GPC6: variants seen among roughly 807,000 people sequenced by gnomAD.
GPC6 encodes the protein glypican 6.
A neutral mutation model predicts 55.2 loss-of-function variants in GPC6; 14 were observed. The ratio of observed to expected loss-of-function variants is 0.25; its 90% CI spans 0.17 to 0.40. The LOEUF is 0.40. Among genes scored for constraint, GPC6 ranks in the 10% least tolerant of loss-of-function variants. GPC6 has a pLI of 1.00. For synonymous variants in GPC6, 278 were observed against 259.6 expected, an observed-to-expected ratio of 1.07 and a Z score of -0.68; for missense variants, 641 against 708.5, an observed-to-expected ratio of 0.90 and a Z score of 1.08.
intron 3 of GPC6, among the ~76,000 whole-genome samples, chr13:93,941,389 A>G (rs575341108): frequency 6.6e-6 from 1 of 152,320 alleles, no homozygotes; most frequent in African/African-American, 2.4e-5. Flanking sequence ...TTATAACTCA[A>G]AAATTCACTG....
intron 2 of GPC6, among the ~76,000 whole-genome samples, chr13:93,565,014 A>G (rs958523697): frequency 2.6e-5 from 4 of 152,234 alleles, no homozygotes; most frequent in African/African-American, 9.6e-5. Context: ...CTCAGAATGT[A>G]GCATTTTTGT....
chr13:93,227,563 C>A lies in GPC6; in HGVS notation c.107C>A (p.Ala36Glu). 3 of 1,612,820 alleles carry A rather than the reference C, an allele frequency of 1.9e-6. No individual in the cohort carries two copies. Among genetic ancestry groups the A allele is most frequent in the Non-Finnish European group, 2.5e-6 (3 of 1,179,576 alleles). Residue 36 changes from alanine to glutamate, a missense_variant, in exon 1 of 9, where the codon GCG becomes GAG. Physicochemically the swap from Ala to Glu is moderately radical, Grantham distance 107. Transcript: ENST00000377047. The surrounding 1 kb of genome is among the most constrained non-coding windows in gnomAD (Gnocchi z 4.3). ...CGGAGCTGCGGAGAGGTCCGCCAGG[C>A]GTACGGTGCCAAGGGATTCAGCCTG... ...KARSCGEVRQAYGAKGFSLAD... is the reference protein window; with the variant it reads ...KARSCGEVRQEYGAKGFSLAD...
In GPC6 at chr13:94,255,981, G is replaced by A. The variant is rs1053033730; in HGVS notation, c.878-30368G>A. Among the ~76,000 whole-genome samples, 52 of 152,070 alleles carry A rather than the reference G, an allele frequency of 3.4e-4. 1 individual carries two copies. Among genetic ancestry groups the A allele is most frequent in the Admixed American group, 2.5e-3 (38 of 15,260 alleles). ...GAAATGCAGAATCACAGGTCCCATC[G>A]CAGATCACCTGAATCAAAACTTGCA... On this transcript the variant is annotated intron_variant, in intron 4 of 8. Transcript: ENST00000377047.
intron 4 of GPC6, among the ~76,000 whole-genome samples, chr13:94,069,311 G>C (rs1055499545): frequency 6.6e-6 from 1 of 152,062 alleles, no homozygotes; most frequent in Non-Finnish European, 1.5e-5. Flanking sequence ...CAAGTCCCTA[G>C]GCTTCACACA....
intron 4 of GPC6, among the ~76,000 whole-genome samples, chr13:94,086,249 T>A (rs1363089411): frequency 6.6e-6 from 1 of 152,154 alleles, no homozygotes; most frequent in African/African-American, 2.4e-5. Context: ...GTGAAGCACT[T>A]TTTTTCAGAG....
At chr13:93,235,160 C>T (rs185225313) in intron 1 of GPC6, among the ~76,000 whole-genome samples, 163 of 152,180 alleles carry the variant, frequency 1.1e-3, no homozygotes, top group African/African-American at 3.7e-3. Flanking sequence ...ATTATAATAA[C>T]AACGAGAGGT....
At chr13:93,510,987 G>GTA (rs146967404) in intron 1 of GPC6, among the ~76,000 whole-genome samples, 9,878 of 20,070 alleles carry the variant, frequency 0.49, 3,264 homozygotes, top group East Asian at 0.87. Context: ...ATATATATGT[G>GTA]TATATATATA....
In GPC6 at chr13:93,952,826, T is replaced by TATACGTATATATCACAC. The variant is rs1879314464; in HGVS notation, c.712-74899_712-74883dup. Among the ~76,000 whole-genome samples, 4 of 148,682 alleles carry TATACGTATATATCACAC rather than the reference T, an allele frequency of 2.7e-5. No individual in the cohort carries two copies. The Admixed American group carries it at 2.7e-4, about 10-fold the overall frequency. On this transcript the variant is annotated intron_variant, in intron 3 of 8. Coordinates refer to ENST00000377047, the MANE Select transcript of GPC6 (RefSeq NM_005708.5). ...ATAGGTATACACACACACACATATA[T>TATACGTATATATCACAC]ATACGTATATATCACACATATATAT...
chr13:93,808,533 G>T (rs75715923), intron 2 of GPC6, among the ~76,000 whole-genome samples: 1,899 of 152,232 alleles, frequency 0.012, 39 homozygotes, highest in African/African-American at 0.043. Flanking sequence ...TTCCTTTAAT[G>T]TGAGCTGAAA....
chr13:94,241,096 C>T (rs1035251996), intron 4 of GPC6, among the ~76,000 whole-genome samples: 1 of 152,096 alleles, frequency 6.6e-6, no homozygotes, highest in African/African-American at 2.4e-5. Flanking sequence ...ATGGAGCCCC[C>T]AGGATGGCAC....
At chr13:93,719,488 G>A (rs1199882121) in intron 2 of GPC6, among the ~76,000 whole-genome samples, 2 of 152,006 alleles carry the variant, frequency 1.3e-5, no homozygotes, top group Non-Finnish European at 2.9e-5. Flanking sequence ...TTGGGGCTGA[G>A]ACAATGAGGT....
chr13:93,725,167 C>A (rs900065147), intron 2 of GPC6, among the ~76,000 whole-genome samples: 3 of 151,934 alleles, frequency 2.0e-5, no homozygotes, highest in Non-Finnish European at 4.4e-5. Flanking sequence ...TTCAAATATC[C>A]TTAAAACTTG....
intron 3 of GPC6, among the ~76,000 whole-genome samples, chr13:93,976,795 A>T (rs1339998536): frequency 1.3e-5 from 2 of 151,832 alleles, no homozygotes; most frequent in Non-Finnish European, 2.9e-5. Flanking sequence ...AGCCACCTGC[A>T]GGCTTTTGCT....
At chr13:94,142,552 C>T (rs1243535566) in intron 4 of GPC6, among the ~76,000 whole-genome samples, 1 of 152,090 alleles carries the variant, frequency 6.6e-6, no homozygotes, top group African/African-American at 2.4e-5. Context: ...AAACAGCTAA[C>T]CCAACTTATA....
intron 4 of GPC6, among the ~76,000 whole-genome samples, chr13:94,157,994 A>C (rs1011389426): frequency 4.6e-5 from 7 of 152,160 alleles, no homozygotes; most frequent in Non-Finnish European, 1.0e-4. Flanking sequence ...AACACAGAGT[A>C]CCCATAATAT....
chr13:93,510,957 A>ATATATATATG (rs1566396572), intron 1 of GPC6, among the ~76,000 whole-genome samples: 1 of 14,772 alleles, frequency 6.8e-5, no homozygotes, highest in African/African-American at 1.2e-4. Flanking sequence ...AGAAATATAT[A>ATATATATATG]TATATATATA....
At chr13:93,774,968 G>A (rs1409638338) in intron 2 of GPC6, among the ~76,000 whole-genome samples, 1 of 152,060 alleles carries the variant, frequency 6.6e-6, no homozygotes, top group African/African-American at 2.4e-5. Flanking sequence ...AGAAACAAAG[G>A]GTGAGAAAAG....
chr13:94,239,588 A>G (rs1890990162), intron 4 of GPC6, among the ~76,000 whole-genome samples: 1 of 152,158 alleles, frequency 6.6e-6, no homozygotes, highest in Non-Finnish European at 1.5e-5. Context: ...CATTTCAGGT[A>G]TAGAAAATAA....
chr13:94,141,242 A>G (rs557997958), intron 4 of GPC6, among the ~76,000 whole-genome samples: 1 of 152,284 alleles, frequency 6.6e-6, no homozygotes, highest in South Asian at 2.1e-4. Context: ...GGGGGCTTAT[A>G]GGTGGATTCA....
Sources: gnomAD v4.1 joint callset for allele counts (sites outside exome capture counted in the v4.1 genomes callset) on GRCh38, gnomAD v4.1.1 for gene constraint, Gnocchi (gnomAD v3.1) non-coding constraint, MANE v1.5 for transcripts, NCBI Gene and HGNC (gene_info 2026-07-23, HGNC 2026-07-21) for gene names.